Variants in UTRN observed in about 807,000 individuals in gnomAD.
The protein encoded by UTRN is utrophin.
UTRN carries 283 observed loss-of-function variants against 463.9 expected under a neutral mutation model. The ratio of observed to expected loss-of-function variants is 0.61; its 90% CI spans 0.55 to 0.67. The LOEUF (loss-of-function observed/expected upper bound fraction) is 0.67. Ranked by LOEUF, UTRN falls within the 30% of genes least tolerant of loss-of-function variation. The probability of loss-of-function intolerance (pLI) is 0.00; values close to 1 mark genes in which losing one functional copy is unlikely to be tolerated. For missense variants in UTRN, 3,922 were observed against 4,084.3 expected, an observed-to-expected ratio of 0.96 and a Z score of 1.08; for synonymous variants, 1,442 against 1,431.5, an observed-to-expected ratio of 1.01 and a Z score of -0.17.
rs116699814 is a variant in UTRN, at chr6:144,472,512, A to G, written c.3067-1208A>G. 7.7e-3 allele frequency among the ~76,000 whole-genome samples: 1,171 copies of G among 152,298 alleles called. 11 individuals carry two copies. Among genetic ancestry groups the G allele is most frequent in the African/African-American group, 0.027 (1,125 of 41,552 alleles). On this transcript the variant is annotated intron_variant, in intron 23 of 74. Transcript: ENST00000367545. Reference sequence around the variant, plus strand: ...TAGTTAGATCTTTGTGATCAATTCAAACATTATAAGGATCAGAATAGTTGG... The same window carrying G: ...TAGTTAGATCTTTGTGATCAATTCAGACATTATAAGGATCAGAATAGTTGG...
chr6:144,412,108 C>T (rs146901178), intron 3 of UTRN, among the ~76,000 whole-genome samples: 6 of 152,130 alleles, frequency 3.9e-5, no homozygotes, highest in South Asian at 4.1e-4. Flanking sequence ...GTCTTCATTT[C>T]GTTGATTCAA....
chr6:144,518,596 T>A (rs911790169), intron 39 of UTRN, among the ~76,000 whole-genome samples: 1 of 152,202 alleles, frequency 6.6e-6, no homozygotes, highest in Non-Finnish European at 1.5e-5. Context: ...TCTGTCAGAT[T>A]ATATTATAGT....
intron 62 of UTRN, among the ~76,000 whole-genome samples, chr6:144,792,267 C>T (rs1164074213): frequency 2.0e-5 from 3 of 152,052 alleles, no homozygotes; most frequent in Non-Finnish European, 4.4e-5. Flanking sequence ...GAGAATGGAC[C>T]AGGCACGGTG....
rs1225897937 is a variant in UTRN at position 144,754,745 on chromosome 6, A to T, written c.8381A>T (p.Gln2794Leu). 1 of 1,613,676 alleles carries T rather than the reference A, an allele frequency of 6.2e-7. No individual in the cohort carries two copies. The change falls in exon 57 of 75, where the codon CAG becomes CTG. Residue 2794 changes from glutamine to leucine, a missense_variant. By Grantham distance (113) the Gln-to-Leu change is moderately radical. This residue lies in a region of UTRN where 1,309 missense variants were observed against 1,452.6 expected (regional missense o/e 0.90). Coordinates refer to ENST00000367545, the MANE Select transcript of UTRN (RefSeq NM_007124.3). ...LQVSVDDRLK[Q>L]LQEAHRDFGP... ...GTTTCTGTGGATGATCGCCTTAAAC[A>T]GCTTCAGGAAGCCCACAGAGATTTT...
At chr6:144,385,795 G>A (rs571762094) in intron 2 of UTRN, among the ~76,000 whole-genome samples, 2 of 150,672 alleles carry the variant, frequency 1.3e-5, no homozygotes, top group East Asian at 3.9e-4. Flanking sequence ...TGCAACCTCC[G>A]CCTCTTAAGT....
At chr6:144,823,820 G>C (rs910559285) in intron 66 of UTRN, among the ~76,000 whole-genome samples, 1 of 152,152 alleles carries the variant, frequency 6.6e-6, no homozygotes, top group Non-Finnish European at 1.5e-5. Flanking sequence ...AGATAGGTTG[G>C]TTTCCCTAAA....
intron 2 of UTRN, among the ~76,000 whole-genome samples, chr6:144,401,190 A>G (rs1782908551): frequency 6.8e-6 from 1 of 147,322 alleles, no homozygotes; most frequent in Non-Finnish European, 1.5e-5. Context: ...TGACCTTTCT[A>G]TATTTTTTTA....
chr6:144,781,249 C>G lies in UTRN; in HGVS notation c.8633-673C>G, dbSNP rs567097941. Reference sequence around the variant, plus strand: ...ACAGGTCACCTCTGTGTCTAGAGTACTGACTGCTCTAGTACTTCTTCTTAG... The same window carrying G: ...ACAGGTCACCTCTGTGTCTAGAGTAGTGACTGCTCTAGTACTTCTTCTTAG... On this transcript the variant is annotated intron_variant, in intron 60 of 74. Coordinates refer to ENST00000367545, the MANE Select transcript of UTRN (RefSeq NM_007124.3). 2.0e-5 allele frequency among the ~76,000 whole-genome samples: 3 copies of G among 152,292 alleles called. No individual in the cohort carries two copies. In the South Asian group the frequency reaches 6.2e-4, roughly 32 times the overall value.
intron 69 of UTRN, among the ~76,000 whole-genome samples, chr6:144,829,211 G>C (rs1414733993): frequency 6.6e-6 from 1 of 151,858 alleles, no homozygotes; most frequent in Non-Finnish European, 1.5e-5. Flanking sequence ...TGCCCTTTCT[G>C]TGAAATCCTC....
In UTRN at chr6:144,632,723, C is replaced by CT. The variant is rs34600667; in HGVS notation, c.7480-45668dup. 4.8e-3 allele frequency among the ~76,000 whole-genome samples: 686 copies of CT among 142,212 alleles called. 3 individuals carry two copies. The highest frequency in any genetic ancestry group is 0.013 in the African/African-American group (513 of 38,766). 93.3% of individuals were successfully genotyped at this position (142,212 alleles called of 152,430 possible). A position where few individuals can be genotyped will look rare whatever the true frequency, so the allele number is the denominator to read the frequency against. On this transcript the variant is annotated intron_variant, in intron 51 of 74. Coordinates refer to ENST00000367545, the MANE Select transcript of UTRN (RefSeq NM_007124.3). ...CTTATTTTTATATTGTAAACTTTTA[C>CT]TTTTTTTTTTTTTTTGAGACTGAGT...
chr6:144,443,119 C>A (rs1317223258), intron 13 of UTRN, among the ~76,000 whole-genome samples: 2 of 152,170 alleles, frequency 1.3e-5, no homozygotes, highest in Non-Finnish European at 2.9e-5. Flanking sequence ...AAGTCTTTAA[C>A]AGATAAATTT....
chr6:144,722,740 C>A (rs1281015804), intron 53 of UTRN, among the ~76,000 whole-genome samples: 1 of 152,042 alleles, frequency 6.6e-6, no homozygotes, highest in African/African-American at 2.4e-5. Flanking sequence ...ATGTGACTAG[C>A]AGGTACCATA....
intron 65 of UTRN, among the ~76,000 whole-genome samples, chr6:144,804,459 CTAGT>C (rs1562932111): frequency 6.6e-6 from 1 of 152,118 alleles, no homozygotes; most frequent in Non-Finnish European, 1.5e-5. Context: ...AAACCAGACA[CTAGT>C]TAAAGTGGTA....
chr6:144,415,574 G>A (rs934974608), intron 3 of UTRN, among the ~76,000 whole-genome samples: 3 of 152,060 alleles, frequency 2.0e-5, no homozygotes, highest in African/African-American at 7.2e-5. Flanking sequence ...ATTAATAATT[G>A]TGCTTTGAGA....
rs1010155760 is a variant in UTRN at position 144,707,416 on chromosome 6, C to G, written c.7809+7173C>G. Among the ~76,000 whole-genome samples, 5 of 152,262 alleles carry G rather than the reference C, an allele frequency of 3.3e-5. No individual in the cohort carries two copies. The East Asian group carries it at 7.7e-4, about 24-fold the overall frequency. On this transcript the variant is annotated intron_variant, in intron 53 of 74. Transcript: ENST00000367545. ...TATGATCAGGGAAGAAATCATGTCTCTTTATTTTGTTGTTTGGGAGAACAC... is the reference window on the plus strand; with the variant it reads ...TATGATCAGGGAAGAAATCATGTCTGTTTATTTTGTTGTTTGGGAGAACAC...
intron 9 of UTRN, among the ~76,000 whole-genome samples, chr6:144,434,000 T>G (rs899212623): frequency 6.6e-6 from 1 of 152,036 alleles, no homozygotes; most frequent in Non-Finnish European, 1.5e-5. Flanking sequence ...GCGGCTGGGA[T>G]GTGGAGGTTG....
intron 46 of UTRN, among the ~76,000 whole-genome samples, chr6:144,547,866 G>A (rs1798548749): frequency 6.6e-6 from 1 of 152,144 alleles, no homozygotes; most frequent in African/African-American, 2.4e-5. Context: ...ATTCAAGCCT[G>A]TTGGGATTTT....
rs1795182340 is a variant in UTRN at position 144,511,648 on chromosome 6, T to G, written c.4944+525T>G. 2.0e-5 allele frequency among the ~76,000 whole-genome samples: 3 copies of G among 152,334 alleles called. No homozygotes were observed. In the South Asian group the frequency reaches 6.2e-4, roughly 32 times the overall value. On this transcript the variant is annotated intron_variant, in intron 35 of 74. Transcript: ENST00000367545. ...TTTTGCAATGATTGATTATGAGCCT[T>G]AAACATGTAGTGCTCTTAAATAACT...
Position 144,836,599 on chromosome 6 carries a change from G to A in UTRN, c.10065+58G>A, listed in dbSNP as rs969587797. ...CCAGGCCATCTGTCCACTGCCCTGGGAGATGATGGTCCAGGTGTCAGGAGA... is the reference window on the plus strand; with the variant it reads ...CCAGGCCATCTGTCCACTGCCCTGGAAGATGATGGTCCAGGTGTCAGGAGA... On this transcript the variant is annotated intron_variant, in intron 71 of 74. Coordinates refer to ENST00000367545, the MANE Select transcript of UTRN (RefSeq NM_007124.3). 4 of 1,596,314 alleles carry A rather than the reference G, an allele frequency of 2.5e-6. No homozygotes were observed. In the African/African-American group the frequency reaches 5.4e-5, roughly 21 times the overall value.
Sources: gnomAD v4.1 joint callset for allele counts (sites outside exome capture counted in the v4.1 genomes callset) on GRCh38, gnomAD v4.1.1 for gene constraint, gnomAD v4.1.1 regional missense constraint, MANE v1.5 for transcripts, NCBI Gene and HGNC (gene_info 2026-07-23, HGNC 2026-07-21) for gene names.